The following MAGI3 variants were observed in gnomAD, a reference collection of about 807,000 sequenced individuals.
The protein encoded by MAGI3 is membrane-associated guanylate kinase, WW and PDZ domain-containing protein 3.
Under a neutral mutation model 121.8 loss-of-function variants are expected in MAGI3, and 43 were observed. The ratio of observed to expected loss-of-function variants is 0.35; its 90% CI spans 0.28 to 0.46. MAGI3 has a LOEUF of 0.46. Among genes scored for constraint, MAGI3 ranks in the 20% least tolerant of loss-of-function variants. MAGI3 has a pLI of 1.00. For missense variants in MAGI3, 1,547 were observed against 1,797.3 expected (o/e 0.86, Z 2.52); for synonymous variants, 553 against 639.3 (o/e 0.86, Z 2.04).
At position 113,684,187 on chromosome 1, in the gene MAGI3, T is replaced by G; in HGVS notation, c.*173T>G. On this transcript the variant is annotated 3_prime_UTR_variant, in exon 21 of 21. Transcript: ENST00000307546. ...GCCTTTAGGATTGCTAAGAACCAAC[T>G]GTCCCCCTGGCCGGCTGCCCTCCCT... 1 of 687,214 alleles carries G rather than the reference T, an allele frequency of 1.5e-6. No homozygotes were observed. Among genetic ancestry groups the G allele is most frequent in the Non-Finnish European group, 2.2e-6 (1 of 455,760 alleles). 42.6% of individuals were successfully genotyped at this position (687,214 alleles called of 1,614,324 possible).
At chr1:113,630,567 C>T (rs191767974) in intron 9 of MAGI3, among the ~76,000 whole-genome samples, 4 of 152,290 alleles carry the variant, frequency 2.6e-5, no homozygotes, top group East Asian at 1.9e-4. Context: ...TGCTGGGTCA[C>T]GCCTAAAGCC....
intron 1 of MAGI3, among the ~76,000 whole-genome samples, chr1:113,528,479 A>G (rs1008054599): frequency 1.3e-5 from 2 of 152,176 alleles, no homozygotes; most frequent in African/African-American, 4.8e-5. Context: ...AAAATACTTC[A>G]TAGATGACAC....
intron 12 of MAGI3, 128 bp from the exon 13 acceptor site, chr1:113,649,109 C>T: frequency 8.2e-6 from 5 of 608,464 alleles, no homozygotes; most frequent in Admixed American, 3.5e-5. Context: ...GCAAATTTTC[C>T]ATATTAAAAA....
At chr1:113,668,593 T>C (rs937210676) in intron 16 of MAGI3, among the ~76,000 whole-genome samples, 12 of 146,130 alleles carry the variant, frequency 8.2e-5, no homozygotes, top group African/African-American at 2.8e-4. Flanking sequence ...TTTTTTTTTT[T>C]GAGACGGAGT....
At chr1:113,470,563 T>C (rs1281898140) in intron 1 of MAGI3, among the ~76,000 whole-genome samples, 1 of 152,190 alleles carries the variant, frequency 6.6e-6, no homozygotes, top group Non-Finnish European at 1.5e-5. Flanking sequence ...ATTTAAGATC[T>C]ACTCACTTAG....
At position 113,420,023 on chromosome 1, in the gene MAGI3, G is replaced by A. The variant is rs553282542; in HGVS notation, c.316+28674G>A. ...TTGTGATGATACTGTGCAGTCCAAA[G>A]GGATAGAATTAGAATTTGTGGGTGG... On this transcript the variant is annotated intron_variant, in intron 1 of 20. Coordinates refer to ENST00000307546, the MANE Select transcript of MAGI3 (RefSeq NM_001142782.2). Among the ~76,000 whole-genome samples, 18 of 152,278 alleles carry A rather than the reference G, an allele frequency of 1.2e-4. No homozygotes were observed. In the East Asian group the frequency reaches 3.3e-3, roughly 28 times the overall value.
chr1:113,535,252 A>G (rs1403504259), intron 1 of MAGI3, among the ~76,000 whole-genome samples: 1 of 152,198 alleles, frequency 6.6e-6, no homozygotes, highest in Non-Finnish European at 1.5e-5. Flanking sequence ...GGGAAAAAAC[A>G]GAAGCTTTAT....
intron 5 of MAGI3, among the ~76,000 whole-genome samples, chr1:113,592,355 T>G (rs1217235): frequency 0.75 from 114,544 of 152,006 alleles, 43,848 homozygotes; most frequent in African/African-American, 0.84. Context: ...TTTGGGAATA[T>G]CCCCTATGGA....
chr1:113,575,123 G>A (rs1020129102), intron 2 of MAGI3, among the ~76,000 whole-genome samples: 1 of 152,042 alleles, frequency 6.6e-6, no homozygotes, highest in East Asian at 1.9e-4. Flanking sequence ...TCCTTGCATT[G>A]GGTTAGAAGA....
intron 1 of MAGI3, among the ~76,000 whole-genome samples, chr1:113,430,429 A>G (rs1653245458): frequency 6.6e-6 from 1 of 152,204 alleles, no homozygotes; most frequent in South Asian, 2.1e-4. Context: ...TTTTGGCTGA[A>G]ATGTCTGAGT....
At chr1:113,404,825 C>T (rs1335949705) in intron 1 of MAGI3, among the ~76,000 whole-genome samples, 1 of 152,084 alleles carries the variant, frequency 6.6e-6, no homozygotes. Context: ...AAACTCTTCA[C>T]CCCAAGGTCT....
chr1:113,580,920 A>G, intron 3 of MAGI3: 1 of 218,060 alleles, frequency 4.6e-6, no homozygotes, highest in Admixed American at 5.7e-5. Flanking sequence ...GCCAGTTTAT[A>G]TATTTCATAG....
chr1:113,629,645 C>T (rs181500092), intron 9 of MAGI3, among the ~76,000 whole-genome samples: 8 of 152,030 alleles, frequency 5.3e-5, no homozygotes, highest in East Asian at 1.9e-4. Context: ...TTCTTGGATA[C>T]GATTCAGAAG....
intron 1 of MAGI3, among the ~76,000 whole-genome samples, chr1:113,542,076 G>A (rs951605225): frequency 1.3e-5 from 2 of 152,150 alleles, no homozygotes; most frequent in African/African-American, 4.8e-5. Context: ...TAGGATCTAA[G>A]TTGTAAATTC....
chr1:113,401,639 C>A (rs1301189356), intron 1 of MAGI3, among the ~76,000 whole-genome samples: 5 of 152,152 alleles, frequency 3.3e-5, no homozygotes, highest in Admixed American at 2.6e-4. Flanking sequence ...TTCCTTTCTA[C>A]TTCCTCTGTA....
chr1:113,596,069 C>G (rs866019043), intron 6 of MAGI3, among the ~76,000 whole-genome samples: 1 of 150,238 alleles, frequency 6.7e-6, no homozygotes, highest in Non-Finnish European at 1.5e-5. Context: ...TAATAATTGA[C>G]AAGATATATT....
intron 1 of MAGI3, among the ~76,000 whole-genome samples, chr1:113,543,866 T>TAA (rs5777160): frequency 7.3e-6 from 1 of 136,904 alleles, no homozygotes; most frequent in African/African-American, 2.8e-5. Flanking sequence ...AGACCCCATC[T>TAA]AAAAAAAAAA....
At chr1:113,466,203 A>G (rs547343338) in intron 1 of MAGI3, among the ~76,000 whole-genome samples, 1 of 152,306 alleles carries the variant, frequency 6.6e-6, no homozygotes, top group South Asian at 2.1e-4. Context: ...TTTTATCATA[A>G]AGGGATGTTG....
At chr1:113,482,114 T>G (rs1048350273) in intron 1 of MAGI3, among the ~76,000 whole-genome samples, 2 of 152,052 alleles carry the variant, frequency 1.3e-5, no homozygotes, top group African/African-American at 2.4e-5. Context: ...AACTATAAGA[T>G]AAAAACTGTG....
Sources: gnomAD v4.1 joint callset for allele counts (sites outside exome capture counted in the v4.1 genomes callset) on GRCh38, gnomAD v4.1.1 for gene constraint, MANE v1.5 for transcripts, NCBI Gene and HGNC (gene_info 2026-07-23, HGNC 2026-07-21) for gene names.